The following STXBP5L variants were observed in gnomAD, a reference collection of about 807,000 sequenced individuals.
The protein encoded by STXBP5L is syntaxin-binding protein 5-like.
In STXBP5L, 65 loss-of-function variants were observed where a neutral mutation model predicts 144.5. The ratio of observed to expected loss-of-function variants is 0.45; its 90% confidence interval spans 0.37 to 0.55. The LOEUF (loss-of-function observed/expected upper bound fraction) is 0.55. STXBP5L is among the 20% of genes least tolerant of loss of function. The pLI is 0.00. For missense variants in STXBP5L, 1,298 were observed against 1,405.5 expected (o/e 0.92, Z 1.22); for synonymous variants, 505 against 469.6 (o/e 1.08, Z -0.97).
At chr3:121,265,012 C>G (rs2050514417) in intron 18 of STXBP5L, among the ~76,000 whole-genome samples, 1 of 152,066 alleles carries the variant, frequency 6.6e-6, no homozygotes, top group Admixed American at 6.6e-5. Flanking sequence ...CTCAGACTCC[C>G]ACACAATAAT....
At chr3:121,213,855 G>T (rs910638504) in intron 10 of STXBP5L, among the ~76,000 whole-genome samples, 1 of 152,070 alleles carries the variant, frequency 6.6e-6, no homozygotes, top group African/African-American at 2.4e-5. Flanking sequence ...GGCTTTTTTG[G>T]GTTGGTAGGC....
At chr3:121,004,743 G>T (rs1425814930) in intron 3 of STXBP5L, among the ~76,000 whole-genome samples, 1 of 152,128 alleles carries the variant, frequency 6.6e-6, no homozygotes, top group South Asian at 2.1e-4. Context: ...CTAATTTTTT[G>T]AGAGTTTTTA....
At chr3:121,185,280 G>T (rs1438465429) in intron 9 of STXBP5L, among the ~76,000 whole-genome samples, 2 of 152,154 alleles carry the variant, frequency 1.3e-5, no homozygotes, top group African/African-American at 2.4e-5. Flanking sequence ...TTCTTTTGCT[G>T]TGCAAAAGCT....
At chr3:120,940,918 A>G (rs1710537826) in intron 2 of STXBP5L, among the ~76,000 whole-genome samples, 2 of 151,696 alleles carry the variant, frequency 1.3e-5, no homozygotes, top group Admixed American at 1.3e-4. Flanking sequence ...ATATATATAT[A>G]TAATATTATG....
At chr3:121,137,063 C>G (rs1338744457) in intron 7 of STXBP5L, among the ~76,000 whole-genome samples, 1 of 152,114 alleles carries the variant, frequency 6.6e-6, no homozygotes, top group Non-Finnish European at 1.5e-5. Context: ...ACAGTAGACA[C>G]TGGTGCCTAT....
intron 19 of STXBP5L, among the ~76,000 whole-genome samples, chr3:121,288,200 T>C (rs1253380593): frequency 2.6e-5 from 4 of 152,238 alleles, no homozygotes; most frequent in African/African-American, 9.6e-5. Context: ...TAGTGTTCCA[T>C]GGTGTACATG....
intron 3 of STXBP5L, among the ~76,000 whole-genome samples, chr3:120,960,485 A>T (rs1156708859): frequency 1.3e-5 from 2 of 152,214 alleles, no homozygotes; most frequent in Non-Finnish European, 2.9e-5. Flanking sequence ...CACTATTCAT[A>T]ATAGCAAAGA....
chr3:120,996,533 A>T (rs1192210484), intron 3 of STXBP5L, among the ~76,000 whole-genome samples: 1 of 152,156 alleles, frequency 6.6e-6, no homozygotes, highest in Non-Finnish European at 1.5e-5. Context: ...AGCTATAGTC[A>T]TCATGCTCTA....
chr3:121,252,173 AACACGGTG>A (rs2050047544), intron 15 of STXBP5L, among the ~76,000 whole-genome samples: 2 of 152,124 alleles, frequency 1.3e-5, no homozygotes, highest in South Asian at 4.1e-4. Context: ...CAGCCTGGGC[AACACGGTG>A]AAACCCTGTC....
chr3:121,341,791 T>C (rs1397849475), intron 20 of STXBP5L, among the ~76,000 whole-genome samples: 2 of 152,106 alleles, frequency 1.3e-5, no homozygotes, highest in East Asian at 3.9e-4. Context: ...TTCTCACTTA[T>C]TCGTGGGAAC....
intron 9 of STXBP5L, among the ~76,000 whole-genome samples, chr3:121,177,965 A>T (rs888901981): frequency 6.6e-6 from 1 of 152,196 alleles, no homozygotes; most frequent in Non-Finnish European, 1.5e-5. Context: ...GGAAATTCTG[A>T]ACATGCTACA....
rs973537150 is a variant in STXBP5L at position 120,939,347 on chromosome 3, A to G, written c.190-15593A>G. On this transcript the variant is annotated intron_variant, in intron 2 of 26. Transcript: ENST00000471454. ...CAACTGGCAACAAATAAGCTAAGAA[A>G]GAAAGACATGGACTATATTACTTCT... 1.3e-4 allele frequency among the ~76,000 whole-genome samples: 20 copies of G among 152,202 alleles called. 1 individual carries two copies. The highest frequency in any genetic ancestry group is 5.9e-5 in the Non-Finnish European group (4 of 68,032).
chr3:120,937,001 A>T (rs1351171789), intron 2 of STXBP5L, among the ~76,000 whole-genome samples: 1 of 151,998 alleles, frequency 6.6e-6, no homozygotes, highest in Non-Finnish European at 1.5e-5. Flanking sequence ...AGTGCTTCTC[A>T]GGTTGATTTA....
intron 3 of STXBP5L, among the ~76,000 whole-genome samples, chr3:120,973,032 C>T (rs977315765): frequency 1.3e-5 from 2 of 151,934 alleles, no homozygotes; most frequent in African/African-American, 2.4e-5. Context: ...CTATAGTTTT[C>T]CTTTTTGTTG....
chr3:121,369,929 G>A (rs963061272), intron 20 of STXBP5L, among the ~76,000 whole-genome samples: 1 of 152,086 alleles, frequency 6.6e-6, no homozygotes, highest in Non-Finnish European at 1.5e-5. Flanking sequence ...ATATGGCTTG[G>A]CTCTGTGTCC....
intron 3 of STXBP5L, among the ~76,000 whole-genome samples, chr3:120,988,059 C>G (rs1942474108): frequency 6.7e-6 from 1 of 149,574 alleles, no homozygotes; most frequent in Admixed American, 6.7e-5. Context: ...GATGGTTTTT[C>G]AGGTATATTT....
At chr3:121,143,319 G>A (rs759043069) in intron 7 of STXBP5L, among the ~76,000 whole-genome samples, 6 of 149,752 alleles carry the variant, frequency 4.0e-5, no homozygotes, top group Non-Finnish European at 7.4e-5. Context: ...ACTTGAAAAG[G>A]GGAAAACATT....
At chr3:121,211,288 A>G (rs1006247939) in intron 10 of STXBP5L, among the ~76,000 whole-genome samples, 2 of 152,100 alleles carry the variant, frequency 1.3e-5, no homozygotes, top group African/African-American at 4.8e-5. Context: ...TTATCCTGAG[A>G]CTTTGCTGAT....
intron 7 of STXBP5L, among the ~76,000 whole-genome samples, chr3:121,147,238 G>T (rs1011513194): frequency 9.9e-5 from 15 of 151,898 alleles, no homozygotes; most frequent in Non-Finnish European, 1.6e-4. Context: ...AATTTCAGAG[G>T]ATTAAAATAA....
Sources: allele counts gnomAD v4.1 joint callset (sites outside exome capture counted in the v4.1 genomes callset), GRCh38; gene constraint gnomAD v4.1.1; transcripts MANE v1.5; gene names NCBI Gene and HGNC (gene_info 2026-07-23, HGNC 2026-07-21).